The following PDCD1LG2 variants were observed in gnomAD, a reference collection of about 807,000 sequenced individuals.
PDCD1LG2 encodes the protein programmed cell death 1 ligand 2.
A neutral mutation model predicts 28.2 loss-of-function variants in PDCD1LG2; 32 were observed. The observed-to-expected ratio is 1.13, with a 90% CI of 0.86 to 1.52. The LOEUF is 1.52. Among genes scored for constraint, PDCD1LG2 ranks in the 40% most tolerant of loss-of-function variants. The probability of loss-of-function intolerance (pLI) is 0.00; values close to 1 mark genes in which losing one functional copy is unlikely to be tolerated. For missense variants in PDCD1LG2, 385 were observed against 323.8 expected, an observed-to-expected ratio of 1.19 and a Z score of -1.45; for synonymous variants, 116 against 120.2, an observed-to-expected ratio of 0.97 and a Z score of 0.23.
chr9:5,556,454 G>A (rs932607064), intron 4 of PDCD1LG2, among the ~76,000 whole-genome samples: 6 of 152,204 alleles, frequency 3.9e-5, no homozygotes, highest in Non-Finnish European at 4.4e-5. Flanking sequence ...GGGTCAGATA[G>A]ATCTGGGTTT....
At chr9:5,542,558 C>T (rs947597118) in intron 3 of PDCD1LG2, among the ~76,000 whole-genome samples, 5 of 152,112 alleles carry the variant, frequency 3.3e-5, no homozygotes, top group African/African-American at 1.2e-4. Flanking sequence ...CAAGGAGATA[C>T]ACAAATGACC....
At chr9:5,512,741 C>G (rs1820085596) in intron 1 of PDCD1LG2, among the ~76,000 whole-genome samples, 1 of 152,114 alleles carries the variant, frequency 6.6e-6, no homozygotes, top group South Asian at 2.1e-4. Flanking sequence ...ATGCCTTGCC[C>G]AGACTAAAAC....
intron 3 of PDCD1LG2, among the ~76,000 whole-genome samples, chr9:5,545,553 A>G (rs927628670): frequency 1.3e-5 from 2 of 152,266 alleles, no homozygotes; most frequent in African/African-American, 4.8e-5. Context: ...ACACTTCATA[A>G]TGATAAAAGA....
chr9:5,537,675 A>G (rs963882344), intron 3 of PDCD1LG2, among the ~76,000 whole-genome samples: 6 of 152,226 alleles, frequency 3.9e-5, no homozygotes, highest in African/African-American at 1.2e-4. Flanking sequence ...TGGGAATTGA[A>G]CAATGAGAAC....
At chr9:5,541,171 G>T (rs1032408250) in intron 3 of PDCD1LG2, among the ~76,000 whole-genome samples, 5 of 152,100 alleles carry the variant, frequency 3.3e-5, no homozygotes, top group Admixed American at 2.6e-4. Context: ...CATCCTTTAT[G>T]ATTAAAACCC....
intron 5 of PDCD1LG2, among the ~76,000 whole-genome samples, chr9:5,561,724 A>G (rs908519661): frequency 1.3e-5 from 2 of 152,184 alleles, no homozygotes; most frequent in African/African-American, 4.8e-5. Context: ...CTTGTGAAGG[A>G]ACAGTTATCA....
At position 5,525,819 on chromosome 9, in the gene PDCD1LG2, T is replaced by C. The variant is rs554291683; in HGVS notation, c.55+3218T>C. On this transcript the variant is annotated intron_variant, in intron 2 of 6. Transcript: ENST00000397747. The stretch of plus-strand genomic sequence containing the variant: ...ATCCCAGCACTTTGGGAGGCCAAGG[T>C]GGGCAGATCACGAGGTCAGGAGACC... 4.2e-3 allele frequency among the ~76,000 whole-genome samples: 638 copies of C among 151,830 alleles called. 4 individuals are homozygous for C. The highest frequency in any genetic ancestry group is 0.012 in the African/African-American group (513 of 41,416).
At chr9:5,553,263 T>C (rs567228313) in intron 4 of PDCD1LG2, among the ~76,000 whole-genome samples, 2 of 152,348 alleles carry the variant, frequency 1.3e-5, no homozygotes, top group East Asian at 3.9e-4. Context: ...CTTTATATCA[T>C]GGTTGAGACC....
intron 3 of PDCD1LG2, among the ~76,000 whole-genome samples, chr9:5,547,913 G>C (rs1354401999): frequency 2.7e-5 from 4 of 148,882 alleles, no homozygotes; most frequent in Admixed American, 1.3e-4. Flanking sequence ...ACTCCAGCCT[G>C]GGTGACGAGC....
At chr9:5,519,716 C>G (rs556822365) in intron 1 of PDCD1LG2, among the ~76,000 whole-genome samples, 1 of 152,332 alleles carries the variant, frequency 6.6e-6, no homozygotes, top group East Asian at 1.9e-4. Flanking sequence ...ACTTGGCTAT[C>G]TAATAGGCAT....
At chr9:5,554,431 G>A (rs1176894773) in intron 4 of PDCD1LG2, among the ~76,000 whole-genome samples, 1 of 152,240 alleles carries the variant, frequency 6.6e-6, no homozygotes, top group Non-Finnish European at 1.5e-5. Context: ...GCATTTTTAA[G>A]TTGTCTTATG....
Position 5,510,585 on chromosome 9 carries a change from T to G in PDCD1LG2, c.-233T>G, listed in dbSNP as rs1309527743. On this transcript the variant is annotated 5_prime_UTR_variant, in exon 1 of 7. Coordinates refer to ENST00000397747, the MANE Select transcript of PDCD1LG2 (RefSeq NM_025239.4). Reference sequence around the variant, plus strand: ...AATGAACAACTTTTCTTCTCTTGAATATATCTTAACGCCAAATTTTGAGTG... The same window carrying G: ...AATGAACAACTTTTCTTCTCTTGAAGATATCTTAACGCCAAATTTTGAGTG... 1.3e-5 allele frequency: 2 copies of G among 152,654 alleles called. No individual in the cohort carries two copies. Among genetic ancestry groups the G allele is most frequent in the Admixed American group, 1.3e-4 (2 of 15,282 alleles). 9.5% of individuals were successfully genotyped at this position (152,654 alleles called of 1,614,324 possible).
intron 1 of PDCD1LG2, among the ~76,000 whole-genome samples, chr9:5,515,922 C>CAAT (rs1820150584): frequency 3.3e-5 from 1 of 30,300 alleles, no homozygotes; most frequent in Non-Finnish European, 6.0e-5. Context: ...GACTCCATCT[C>CAAT]AAAAAAAAAA....
intron 1 of PDCD1LG2, among the ~76,000 whole-genome samples, chr9:5,517,904 T>A (rs908904402): frequency 6.6e-6 from 1 of 152,068 alleles, no homozygotes; most frequent in African/African-American, 2.4e-5. Context: ...GACTAGAAGG[T>A]AAAAATAGCA....
chr9:5,554,603 C>G (rs1382634177), intron 4 of PDCD1LG2, among the ~76,000 whole-genome samples: 1 of 152,180 alleles, frequency 6.6e-6, no homozygotes, highest in Admixed American at 6.5e-5. Flanking sequence ...TTCCAAATTT[C>G]AAGCACAAGT....
rs2129877775 is a variant in PDCD1LG2, at chr9:5,549,546, C to T, written c.573C>T (p.Ser191=). Residue 191 remains serine (S), a synonymous_variant, in exon 4 of 7, where the codon AGC becomes AGT. Coordinates refer to ENST00000397747, the MANE Select transcript of PDCD1LG2 (RefSeq NM_025239.4). ...AGCCACCCCCTGGCAGAAACTTCAGCTGTGTGTTCTGGAATACTCACGTGA... is the reference window on the plus strand; with the variant it reads ...AGCCACCCCCTGGCAGAAACTTCAGTTGTGTGTTCTGGAATACTCACGTGA... The part of the protein sequence containing the change: ...RLKPPPGRNF[S]CVFWNTHVRE... 17 of 1,614,250 alleles carry T rather than the reference C, an allele frequency of 1.1e-5. No individual in the cohort carries two copies. The highest frequency in any genetic ancestry group is 1.4e-5 in the Non-Finnish European group (17 of 1,180,038).
intron 4 of PDCD1LG2, among the ~76,000 whole-genome samples, chr9:5,550,722 C>G (rs547735901): frequency 2.0e-5 from 3 of 149,990 alleles, no homozygotes; most frequent in African/African-American, 7.4e-5. Context: ...GAGATGAAGT[C>G]TTATTCTGCC....
Position 5,563,189 on chromosome 9 carries a change from CA to C in PDCD1LG2, c.797del (p.Lys266ArgfsTer4). ...ACAACAAAAAGACCTGTCACCACAA[CA>C]AAGAGGGAAGTGAACAGTGCTGTGA... ...KDTTKRPVTT[T>X]KREVNSAI On this transcript the variant is annotated frameshift_variant, in exon 6 of 7. Transcript: ENST00000397747. LOFTEE classifies it high-confidence loss of function. The C allele has an allele frequency of 1.9e-6, 3 of 1,612,684 alleles. No individual in the cohort carries two copies. Among genetic ancestry groups the C allele is most frequent in the Non-Finnish European group, 2.5e-6 (3 of 1,178,870 alleles).
chr9:5,531,744 C>T (rs1440943751), intron 2 of PDCD1LG2, among the ~76,000 whole-genome samples: 1 of 152,146 alleles, frequency 6.6e-6, no homozygotes, highest in African/African-American at 2.4e-5. Flanking sequence ...TACCCAAAGT[C>T]ATCTATTTAA....
Sources: allele counts gnomAD v4.1 joint callset (sites outside exome capture counted in the v4.1 genomes callset), GRCh38; gene constraint gnomAD v4.1.1; transcripts MANE v1.5; gene names NCBI Gene and HGNC (gene_info 2026-07-23, HGNC 2026-07-21).